Variants in DCAF6 observed in about 807,000 individuals in gnomAD.
DCAF6 encodes DDB1 and CUL4 associated factor 6.
DCAF6 carries 54 observed loss-of-function variants against 125.1 expected under a neutral mutation model. The observed-to-expected ratio is 0.43, with a 90% CI of 0.35 to 0.54. The LOEUF is 0.54. Among genes scored for constraint, DCAF6 ranks in the 20% least tolerant of loss-of-function variants. DCAF6 has a pLI of 0.01. For synonymous variants in DCAF6, 371 were observed against 390.4 expected (o/e 0.95, Z 0.58); for missense variants, 934 against 1,161.7 (o/e 0.80, Z 2.85).
the DCAF6 span, among the ~76,000 whole-genome samples, chr1:167,866,393 G>A: frequency 2.0e-5 from 3 of 152,076 alleles, no homozygotes; most frequent in Non-Finnish European, 2.9e-5. Context: ...AGTGAGTGAT[G>A]TTAATAAAAA....
At chr1:167,969,646 G>T (rs1365126723) in intron 3 of DCAF6, among the ~76,000 whole-genome samples, 1 of 152,176 alleles carries the variant, frequency 6.6e-6, no homozygotes, top group Non-Finnish European at 1.5e-5. Context: ...TATTGAGGCT[G>T]TCTTTAATGG....
At chr1:167,935,715 C>T (rs777839942), upstream of DCAF6, 4 of 1,544,262 alleles carry the variant, frequency 2.6e-6, no homozygotes, top group Non-Finnish European at 2.6e-6. Context: ...CGATAAGGAG[C>T]CATTCAGGGT....
chr1:167,967,714 CTTTTTTTTT>C (rs552208317), intron 3 of DCAF6, among the ~76,000 whole-genome samples: 6 of 74,578 alleles, frequency 8.0e-5, no homozygotes, highest in African/African-American at 1.6e-4. Flanking sequence ...TTTCCTGTAT[CTTTTTTTTT>C]TTTTTTTTTT....
chr1:167,910,517 G>A, the DCAF6 span, among the ~76,000 whole-genome samples: 3 of 152,232 alleles, frequency 2.0e-5, no homozygotes, highest in African/African-American at 7.2e-5. Context: ...AAGGTGTAAT[G>A]TGGGACCCTG....
intron 18 of DCAF6, chr1:168,064,008 T>C: frequency 3.7e-6 from 1 of 272,272 alleles, no homozygotes. Flanking sequence ...AAGTAATCAT[T>C]GCTTTTGTTT....
upstream of DCAF6, chr1:167,936,597 C>G (rs965421050): frequency 4.2e-5 from 14 of 334,554 alleles, no homozygotes; most frequent in African/African-American, 2.9e-4. Flanking sequence ...GTATCCAGGA[C>G]GAGGAGAGGG....
At chr1:167,864,034 T>A in the DCAF6 span, among the ~76,000 whole-genome samples, 2 of 152,268 alleles carry the variant, frequency 1.3e-5, no homozygotes, top group African/African-American at 4.8e-5. Flanking sequence ...TCACCCACGG[T>A]GTGCCTGTTC....
intron 4 of DCAF6, among the ~76,000 whole-genome samples, chr1:167,981,559 TTC>T (rs1679134291): frequency 6.6e-6 from 1 of 152,164 alleles, no homozygotes; most frequent in African/African-American, 2.4e-5. Flanking sequence ...AGTTCACAGT[TTC>T]TGTTGTTGCC....
At chr1:167,995,143 A>G (rs1327449017) in intron 7 of DCAF6, among the ~76,000 whole-genome samples, 1 of 152,114 alleles carries the variant, frequency 6.6e-6, no homozygotes, top group Non-Finnish European at 1.5e-5. Context: ...TCCCCTTGAA[A>G]TACATGGGTA....
intron 4 of DCAF6, among the ~76,000 whole-genome samples, chr1:167,975,998 T>C (rs1678096755): frequency 2.0e-5 from 3 of 152,216 alleles, no homozygotes; most frequent in Admixed American, 1.3e-4. Context: ...TATGTACTTA[T>C]ATATATAGCT....
chr1:167,870,152 A>T, the DCAF6 span: 1 of 1,230,564 alleles, frequency 8.1e-7, no homozygotes, highest in Non-Finnish European at 1.2e-6. Flanking sequence ...CAATAATTGT[A>T]GGTTATAGAT....
chr1:167,897,225 C>T, the DCAF6 span, among the ~76,000 whole-genome samples: 1 of 151,326 alleles, frequency 6.6e-6, no homozygotes, highest in South Asian at 2.1e-4. Flanking sequence ...AAACATCAGG[C>T]CTGTAATCCT....
chr1:167,994,239 G>A lies in DCAF6; in HGVS notation c.903+799G>A, dbSNP rs1260677222. ...AAAAAATATTTTAAATTATTTTTAA[G>A]GAGAATATACTTGATAGCAAAATGT... On this transcript the variant is annotated intron_variant, in intron 7 of 21. Coordinates refer to ENST00000367840, the MANE Select transcript of DCAF6 (RefSeq NM_001198956.2). Among the ~76,000 whole-genome samples the A allele has an allele frequency of 2.0e-5, 3 of 151,988 alleles. No homozygotes were observed. The East Asian group carries it at 5.8e-4, about 29-fold the overall frequency.
chr1:168,043,328 G>T (rs550436791), intron 14 of DCAF6, among the ~76,000 whole-genome samples, 188 bp downstream of exon 14: 30 of 152,234 alleles, frequency 2.0e-4, no homozygotes, highest in Middle Eastern at 3.4e-3. Flanking sequence ...AAAATGAGGA[G>T]ACACAGTGAA....
At chr1:167,984,942 C>T (rs1679731640) in intron 4 of DCAF6, among the ~76,000 whole-genome samples, 1 of 152,138 alleles carries the variant, frequency 6.6e-6, no homozygotes, top group African/African-American at 2.4e-5. Flanking sequence ...TGGGAGGCCT[C>T]ACAATCATGG....
intron 3 of DCAF6, among the ~76,000 whole-genome samples, chr1:167,973,466 C>A (rs1003008018): frequency 6.6e-6 from 1 of 152,102 alleles, no homozygotes; most frequent in Non-Finnish European, 1.5e-5. Flanking sequence ...TTGATGACTT[C>A]TGTTTGAATC....
At chr1:167,942,810 T>C (rs910965994) in intron 1 of DCAF6, among the ~76,000 whole-genome samples, 3 of 152,234 alleles carry the variant, frequency 2.0e-5, no homozygotes, top group African/African-American at 7.2e-5. Flanking sequence ...TGAAAATCAA[T>C]TGACCATAAA....
chr1:167,890,721 G>A, the DCAF6 span, among the ~76,000 whole-genome samples: 2 of 152,142 alleles, frequency 1.3e-5, no homozygotes, highest in Non-Finnish European at 2.9e-5. Flanking sequence ...TATAGTTAGG[G>A]ATAAGAATAG....
the DCAF6 span, chr1:167,920,556 T>A: frequency 6.2e-7 from 1 of 1,613,854 alleles, no homozygotes; most frequent in East Asian, 2.2e-5. Flanking sequence ...CCTGTAGCCA[T>A]CAAAACAGCA....
Sources: gnomAD v4.1 joint callset for allele counts (sites outside exome capture counted in the v4.1 genomes callset) on GRCh38, gnomAD v4.1.1 for gene constraint, MANE v1.5 for transcripts, NCBI Gene and HGNC (gene_info 2026-07-23, HGNC 2026-07-21) for gene names.